GTF2F2: variants seen among roughly 807,000 people sequenced by gnomAD.
GTF2F2 encodes the protein ATP-dependent helicase GTF2F2.
GTF2F2 carries 23 observed loss-of-function variants against 42.2 expected under a neutral mutation model. The observed-to-expected ratio is 0.55, with a 90% CI of 0.39 to 0.77. The LOEUF (loss-of-function observed/expected upper bound fraction) is 0.77, where lower values mean the gene tolerates loss of function less well. Among genes scored for constraint, GTF2F2 ranks in the 30% least tolerant of loss-of-function variants. The probability of loss-of-function intolerance (pLI) is 0.00; values close to 1 mark genes in which losing one functional copy is unlikely to be tolerated. For missense variants in GTF2F2, 261 were observed against 287.2 expected (o/e 0.91, Z 0.66); for synonymous variants, 105 against 100.8 (o/e 1.04, Z -0.25).
intron 1 of GTF2F2, 70 bp downstream of exon 1, chr13:45,120,791 C>G: frequency 1.8e-6 from 2 of 1,123,278 alleles, no homozygotes; most frequent in Non-Finnish European, 2.6e-6. Flanking sequence ...TGAGCCTATC[C>G]CGCTCCGTGC....
intron 5 of GTF2F2, among the ~76,000 whole-genome samples, chr13:45,245,135 A>G (rs985509398): frequency 2.6e-5 from 4 of 152,168 alleles, no homozygotes; most frequent in South Asian, 2.1e-4. Flanking sequence ...TTCAACTGGA[A>G]TAGTTTTTCT....
Position 45,120,573 on chromosome 13 carries a change from C to G in GTF2F2, c.-83C>G, listed in dbSNP as rs1332356201. The G allele has an allele frequency of 5.0e-6, 5 of 999,782 alleles. No individual in the cohort carries two copies. The East Asian group carries it at 1.0e-4, about 21-fold the overall frequency. 61.9% of individuals were successfully genotyped at this position (999,782 alleles called of 1,614,324 possible). On this transcript the variant is annotated 5_prime_UTR_variant, in exon 1 of 8. Transcript: ENST00000340473. Reference sequence around the variant, plus strand: ...TCTTCGCCTCTCAGCGCGGCTTGTCCTTTGTTCCGGACGCCCGCTCCTCAG... The same window carrying G: ...TCTTCGCCTCTCAGCGCGGCTTGTCGTTTGTTCCGGACGCCCGCTCCTCAG...
At chr13:45,258,931 C>T (rs1274086755) in intron 6 of GTF2F2, among the ~76,000 whole-genome samples, 2 of 152,140 alleles carry the variant, frequency 1.3e-5, no homozygotes, top group African/African-American at 2.4e-5. Flanking sequence ...CAAGTAAGGG[C>T]GACTCTGTGT....
intron 5 of GTF2F2, among the ~76,000 whole-genome samples, chr13:45,229,678 C>T (rs1165211597): frequency 6.6e-6 from 1 of 151,878 alleles, no homozygotes; most frequent in Admixed American, 6.6e-5. Context: ...AGAGAGCTGT[C>T]GACAGAAAGG....
intron 5 of GTF2F2, among the ~76,000 whole-genome samples, chr13:45,228,819 C>T (rs189103283): frequency 2.2e-4 from 33 of 151,978 alleles, no homozygotes; most frequent in East Asian, 1.2e-3. Flanking sequence ...TACAGGCATG[C>T]GCCACCACGC....
rs184288753 is a variant in GTF2F2 at position 45,268,744 on chromosome 13, A to G, written c.630+1368A>G. On this transcript the variant is annotated intron_variant, in intron 7 of 7. Transcript: ENST00000340473. ...AACTCTGAAAACAGACGAGATTCTC[A>G]TGGAATTAAACACAAAAAATTAGAT... Among the ~76,000 whole-genome samples the G allele has an allele frequency of 7.9e-5, 12 of 152,302 alleles. No individual in the cohort carries two copies. The East Asian group carries it at 2.1e-3, about 27-fold the overall frequency.
At position 45,144,205 on chromosome 13, in the gene GTF2F2, A is replaced by T. The variant is rs146450217; in HGVS notation, c.141-5565A>T. On this transcript the variant is annotated intron_variant, in intron 2 of 7. Coordinates refer to ENST00000340473, the MANE Select transcript of GTF2F2 (RefSeq NM_004128.3). Reference sequence around the variant, plus strand: ...GAAGCAGAGGTTTCAGTGAGCGGAGACCTCACCATTGCACTCCAGCTTGGT... The same window carrying T: ...GAAGCAGAGGTTTCAGTGAGCGGAGTCCTCACCATTGCACTCCAGCTTGGT... 5.1e-3 allele frequency among the ~76,000 whole-genome samples: 777 copies of T among 151,984 alleles called. 6 individuals are homozygous for T. Among genetic ancestry groups the T allele is most frequent in the Non-Finnish European group, 8.2e-3 (555 of 67,964 alleles).
intron 5 of GTF2F2, chr13:45,220,789 GT>G (rs748607639): frequency 5.3e-5 from 8 of 152,178 alleles, no homozygotes; most frequent in South Asian, 2.1e-4. Context: ...TCTGAGGGGG[GT>G]TCCTAGGTCT....
In GTF2F2 at chr13:45,145,869, T is replaced by G. The variant is rs148313134; in HGVS notation, c.141-3901T>G. Among the ~76,000 whole-genome samples the G allele has an allele frequency of 3.9e-3, 591 of 152,308 alleles. 6 individuals carry two copies. Among genetic ancestry groups the G allele is most frequent in the Non-Finnish European group, 6.9e-3 (472 of 68,026 alleles). ...ACCCTGTTCAGGCTTTCATTCCTGTTCTGAGGTTTCTCCCCTCCTCCATAG... is the reference window on the plus strand; with the variant it reads ...ACCCTGTTCAGGCTTTCATTCCTGTGCTGAGGTTTCTCCCCTCCTCCATAG... On this transcript the variant is annotated intron_variant, in intron 2 of 7. Transcript: ENST00000340473.
chr13:45,258,981 A>G (rs1876214663), intron 6 of GTF2F2, among the ~76,000 whole-genome samples: 1 of 152,218 alleles, frequency 6.6e-6, no homozygotes, highest in African/African-American at 2.4e-5. Context: ...TAGCCTATGT[A>G]AATTTCATAG....
chr13:45,252,731 A>G (rs2138247711), intron 5 of GTF2F2, 140 bp from the exon 6 acceptor site: 1 of 546,670 alleles, frequency 1.8e-6, no homozygotes, highest in East Asian at 3.5e-5. Flanking sequence ...GTGCATTTTT[A>G]AAGTATTAAA....
chr13:45,233,051 A>G (rs1020508811), intron 5 of GTF2F2, among the ~76,000 whole-genome samples: 6 of 152,220 alleles, frequency 3.9e-5, no homozygotes, highest in African/African-American at 1.2e-4. Context: ...AATTGCTTTT[A>G]TGAAACGTAC....
intron 4 of GTF2F2, among the ~76,000 whole-genome samples, chr13:45,161,359 A>G (rs1395297593): frequency 6.6e-6 from 1 of 152,214 alleles, no homozygotes; most frequent in Admixed American, 6.5e-5. Context: ...CATACTTTGA[A>G]GAATGCTAAT....
At chr13:45,218,635 A>AT (rs1873983516) in intron 5 of GTF2F2, among the ~76,000 whole-genome samples, 1 of 152,222 alleles carries the variant, frequency 6.6e-6, no homozygotes, top group South Asian at 2.1e-4. Context: ...AGGCACTGGA[A>AT]TTTTCAATTC....
chr13:45,274,170 A>G (rs990023920), intron 7 of GTF2F2, among the ~76,000 whole-genome samples: 1 of 152,114 alleles, frequency 6.6e-6, no homozygotes, highest in Non-Finnish European at 1.5e-5. Flanking sequence ...TCAATTATAC[A>G]TTAACATGCA....
intron 4 of GTF2F2, among the ~76,000 whole-genome samples, chr13:45,152,270 A>G (rs548018504): frequency 6.6e-6 from 1 of 151,770 alleles, no homozygotes; most frequent in South Asian, 2.1e-4. Context: ...CATTTTGTCT[A>G]CCTCTGTTAT....
intron 5 of GTF2F2, among the ~76,000 whole-genome samples, chr13:45,228,173 T>A (rs1047950642): frequency 2.0e-5 from 3 of 151,490 alleles, no homozygotes; most frequent in Admixed American, 1.3e-4. Flanking sequence ...CGTTCTTCCC[T>A]TTAACCGACG....
intron 1 of GTF2F2, among the ~76,000 whole-genome samples, chr13:45,133,868 A>T (rs1383856483): frequency 6.6e-6 from 1 of 152,076 alleles, no homozygotes; most frequent in Non-Finnish European, 1.5e-5. Flanking sequence ...CAGTCTTTGG[A>T]TGTTAAGTCC....
intron 5 of GTF2F2, among the ~76,000 whole-genome samples, chr13:45,212,494 T>TCTTC: frequency 1.7e-5 from 2 of 120,572 alleles, no homozygotes; most frequent in South Asian, 2.4e-4. Flanking sequence ...TTTCTTTCTT[T>TCTTC]CTTTCTTTCT....
Sources: gnomAD v4.1 joint callset for allele counts (sites outside exome capture counted in the v4.1 genomes callset) on GRCh38, gnomAD v4.1.1 for gene constraint, MANE v1.5 for transcripts, NCBI Gene and HGNC (gene_info 2026-07-23, HGNC 2026-07-21) for gene names.